B3GNT5: variants seen among roughly 807,000 people sequenced by gnomAD.
B3GNT5 encodes lactosylceramide 1,3-N-acetyl-beta-D-glucosaminyltransferase.
A neutral mutation model predicts 25.9 loss-of-function variants in B3GNT5; 11 were observed. The observed-to-expected ratio is 0.42, with a 90% CI of 0.27 to 0.70. The LOEUF is 0.70. Ranked by LOEUF, B3GNT5 falls within the 30% of genes least tolerant of loss-of-function variation. The pLI, the probability that B3GNT5 is intolerant of heterozygous loss-of-function variation, is 0.23. For missense variants in B3GNT5, 385 were observed against 458.4 expected (o/e 0.84, Z 1.46); for synonymous variants, 166 against 158.6 (o/e 1.05, Z -0.35).
rs184991389 is a variant in B3GNT5, at chr3:183,268,248, T to C, written c.-301-1250T>C. Among the ~76,000 whole-genome samples, 233 of 152,330 alleles carry C rather than the reference T, an allele frequency of 1.5e-3. 1 individual carries two copies. The highest frequency in any genetic ancestry group is 4.8e-3 in the African/African-American group (200 of 41,576). On this transcript the variant is annotated intron_variant, in intron 1 of 1. Coordinates refer to ENST00000326505, the MANE Select transcript of B3GNT5 (RefSeq NM_032047.5). ...GGGACCAAACAGCTGGAGAGGCAGA[T>C]CCTAAAGGGTCCTGTGGGCCAGGCT...
In B3GNT5 at chr3:183,271,202, G is replaced by A. The variant is rs1318464680; in HGVS notation, c.*267G>A. The A allele has an allele frequency of 3.3e-6, 1 of 300,742 alleles. No individual in the cohort carries two copies. Among genetic ancestry groups the A allele is most frequent in the Non-Finnish European group, 6.5e-6 (1 of 154,994 alleles). The allele number at this position is 300,742 out of a possible 1,614,324, so 18.6% of individuals were successfully genotyped here. A position where few individuals can be genotyped will look rare whatever the true frequency, so the allele number is the denominator to read the frequency against. On this transcript the variant is annotated 3_prime_UTR_variant, in exon 2 of 2. Transcript: ENST00000326505. ...ACTAAAGGGAAGTTCAAGTTCTCAT[G>A]TAATGCCACATATATACTTGAGGTG...
intron 1 of B3GNT5, among the ~76,000 whole-genome samples, chr3:183,268,374 C>T (rs1183776973): frequency 6.6e-6 from 1 of 152,058 alleles, no homozygotes; most frequent in African/African-American, 2.4e-5. Flanking sequence ...GTCACGCTGA[C>T]TGTAAAGTGG....
chr3:183,261,321 C>T (rs1004370821), intron 1 of B3GNT5, among the ~76,000 whole-genome samples: 3 of 151,930 alleles, frequency 2.0e-5, no homozygotes, highest in African/African-American at 4.8e-5. Context: ...AAACAGATGA[C>T]GAGAAGAAGC....
Position 183,253,259 on chromosome 3 carries a change from A to C in B3GNT5, c.-515A>C, listed in dbSNP as rs1266182378. 1 of 148,724 alleles carries C rather than the reference A, an allele frequency of 6.7e-6. No homozygotes were observed. Among genetic ancestry groups the C allele is most frequent in the East Asian group, 2.0e-4 (1 of 4,974 alleles). The allele number at this position is 148,724 out of a possible 1,614,324, so 9.2% of individuals were successfully genotyped here. On this transcript the variant is annotated 5_prime_UTR_variant, in exon 1 of 2. Coordinates refer to ENST00000326505, the MANE Select transcript of B3GNT5 (RefSeq NM_032047.5). The stretch of plus-strand genomic sequence containing the variant: ...GCCCGCCCCCATCCCGCCCGCATAC[A>C]GCCCGCATCCCGCCGGGGAAGCGAG...
Position 183,271,153 on chromosome 3 carries a change from G to T in B3GNT5, c.*218G>T, listed in dbSNP as rs903447574. On this transcript the variant is annotated 3_prime_UTR_variant, in exon 2 of 2. Coordinates refer to ENST00000326505, the MANE Select transcript of B3GNT5 (RefSeq NM_032047.5). ...TTCAAAGAATTTGTATTTAGAAAAGGTTTATATTATTAGTGAAAACAAAAC... is the reference window on the plus strand; with the variant it reads ...TTCAAAGAATTTGTATTTAGAAAAGTTTTATATTATTAGTGAAAACAAAAC... The T allele has an allele frequency of 1.2e-5, 5 of 420,950 alleles. No individual in the cohort carries two copies. The highest frequency in any genetic ancestry group is 4.2e-5 in the East Asian group (1 of 23,836). 26.1% of individuals were successfully genotyped at this position (420,950 alleles called of 1,614,324 possible). A position where few individuals can be genotyped will look rare whatever the true frequency, so the allele number is the denominator to read the frequency against.
chr3:183,263,345 A>G (rs1360553707), intron 1 of B3GNT5, among the ~76,000 whole-genome samples: 3 of 152,082 alleles, frequency 2.0e-5, no homozygotes, highest in Admixed American at 1.3e-4. Context: ...CCAGCCCCCA[A>G]GTGGGGCAGG....
In B3GNT5 at chr3:183,272,754, AT is replaced by A; in HGVS notation, c.*1821del. 1 of 1,072,238 alleles carries A rather than the reference AT, an allele frequency of 9.3e-7. No homozygotes were observed. The highest frequency in any genetic ancestry group is 1.7e-5 in the African/African-American group (1 of 60,136). 66.4% of individuals were successfully genotyped at this position (1,072,238 alleles called of 1,614,324 possible). A position where few individuals can be genotyped will look rare whatever the true frequency, so the allele number is the denominator to read the frequency against. On this transcript the variant is annotated 3_prime_UTR_variant, in exon 2 of 2. Coordinates refer to ENST00000326505, the MANE Select transcript of B3GNT5 (RefSeq NM_032047.5). ...ATAATTAATTTTTATTAGTTGATTG[AT>A]TAATGATGTATTGCCTTTTGCCCAT...
rs116324997 is a variant in B3GNT5, at chr3:183,262,041, A to G, written c.-301-7457A>G. 2.6e-3 allele frequency among the ~76,000 whole-genome samples: 389 copies of G among 147,088 alleles called. 6 individuals carry two copies. Among genetic ancestry groups the G allele is most frequent in the African/African-American group, 9.5e-3 (376 of 39,690 alleles). On this transcript the variant is annotated intron_variant, in intron 1 of 1. Coordinates refer to ENST00000326505, the MANE Select transcript of B3GNT5 (RefSeq NM_032047.5). ...ATATTTATTAATAAAAGTTTAAAAGATATAAAGGAATGAGGAATGCATATA... is the reference window on the plus strand; with the variant it reads ...ATATTTATTAATAAAAGTTTAAAAGGTATAAAGGAATGAGGAATGCATATA...
intron 1 of B3GNT5, chr3:183,254,341 G>C (rs978803314): frequency 6.6e-6 from 1 of 151,936 alleles, no homozygotes; most frequent in Admixed American, 6.6e-5. Context: ...AAGTCGGGAA[G>C]CCGGGGAGGC....
chr3:183,269,230 CTTTTTTTTTTTTT>C (rs60835895), intron 1 of B3GNT5, among the ~76,000 whole-genome samples: 1 of 81,030 alleles, frequency 1.2e-5, no homozygotes, highest in African/African-American at 6.4e-5. Context: ...GTTTGGGAAG[CTTTTTTTTTTTTT>C]TTTTTAAGAG....
chr3:183,270,691 A>T lies in B3GNT5; in HGVS notation c.893A>T (p.Gln298Leu). 1 of 1,614,030 alleles carries T rather than the reference A, an allele frequency of 6.2e-7. No homozygotes were observed. The highest frequency in any genetic ancestry group is 1.1e-5 in the South Asian group (1 of 91,030). ...GCCAATAAAATAGGGATAGTACCGC[A>T]GGACCATGTGTTTTTTTCTGGAGAG... Reference protein sequence around the residue: ...LCANKIGIVPQDHVFFSGEGK... With the variant: ...LCANKIGIVPLDHVFFSGEGK... The change falls in exon 2 of 2, where the codon CAG becomes CTG. Residue 298 changes from glutamine to leucine, a missense_variant. Gln to Leu is a moderately radical substitution (Grantham distance 113). Transcript: ENST00000326505. The surrounding 1 kb of genome is among the most constrained non-coding windows in gnomAD (Gnocchi z 4.5).
chr3:183,271,015 C>CTAAG lies in B3GNT5; in HGVS notation c.*84_*87dup. The CTAAG allele has an allele frequency of 7.6e-7, 1 of 1,324,140 alleles. No individual in the cohort carries two copies. The highest frequency in any genetic ancestry group is 1.6e-5 in the South Asian group (1 of 62,238). 82.0% of individuals were successfully genotyped at this position (1,324,140 alleles called of 1,614,324 possible). On this transcript the variant is annotated 3_prime_UTR_variant, in exon 2 of 2. Transcript: ENST00000326505. The stretch of plus-strand genomic sequence containing the variant: ...AAACCTTTAAATGTTCGTCTATACC[C>CTAAG]TAAGTAAAATGAGGACGAAAGACAA...
In B3GNT5 at chr3:183,272,236, G is replaced by A. The variant is rs924703312; in HGVS notation, c.*1301G>A. 1.0e-6 allele frequency: 1 copy of A among 999,988 alleles called. No individual in the cohort carries two copies. Among genetic ancestry groups the A allele is most frequent in the Non-Finnish European group, 1.2e-6 (1 of 829,898 alleles). The allele number at this position is 999,988 out of a possible 1,614,324, so 61.9% of individuals were successfully genotyped here. On this transcript the variant is annotated 3_prime_UTR_variant, in exon 2 of 2. Coordinates refer to ENST00000326505, the MANE Select transcript of B3GNT5 (RefSeq NM_032047.5). ...ATTTTACAAAGCAGGATAAAAATGTGGCTATAATACACACTACCTCCCTTC... is the reference window on the plus strand; with the variant it reads ...ATTTTACAAAGCAGGATAAAAATGTAGCTATAATACACACTACCTCCCTTC...
chr3:183,268,370 C>A (rs1036706491), intron 1 of B3GNT5, among the ~76,000 whole-genome samples: 2 of 152,070 alleles, frequency 1.3e-5, no homozygotes, highest in African/African-American at 4.8e-5. Context: ...AAAGGTCACG[C>A]TGACTGTAAA....
intron 1 of B3GNT5, among the ~76,000 whole-genome samples, chr3:183,262,553 T>TC (rs1234675002): frequency 2.6e-5 from 4 of 152,018 alleles, no homozygotes; most frequent in Admixed American, 1.3e-4. Context: ...CTCCCTTGTC[T>TC]CCCCCTAGTC....
rs1726910991 is a variant in B3GNT5 at position 183,272,983 on chromosome 3, T to C, written c.*2048T>C. On this transcript the variant is annotated 3_prime_UTR_variant, in exon 2 of 2. Transcript: ENST00000326505. ...AACAAGTTTAAATTTCAAGGAAATA[T>C]GAAGGCACTTCCTTTTTTTCTAAGA... The C allele has an allele frequency of 1.4e-6, 2 of 1,473,588 alleles. No individual in the cohort carries two copies. Among genetic ancestry groups the C allele is most frequent in the East Asian group, 2.7e-5 (1 of 37,170 alleles). The allele number at this position is 1,473,588 out of a possible 1,614,324, so 91.3% of individuals were successfully genotyped here. A position where few individuals can be genotyped will look rare whatever the true frequency, so the allele number is the denominator to read the frequency against.
At chr3:183,256,092 A>G (rs1272585363) in intron 1 of B3GNT5, among the ~76,000 whole-genome samples, 2 of 152,224 alleles carry the variant, frequency 1.3e-5, no homozygotes, top group Non-Finnish European at 2.9e-5. Flanking sequence ...TTCAGGGGGA[A>G]TTTTATATAT....
At position 183,257,958 on chromosome 3, in the gene B3GNT5, C is replaced by CTTT. The variant is rs35323502; in HGVS notation, c.-302+4511_-302+4513dup. Among the ~76,000 whole-genome samples the CTTT allele has an allele frequency of 2.4e-3, 155 of 64,734 alleles. 30 individuals carry two copies. The highest frequency in any genetic ancestry group is 4.4e-3 in the African/African-American group (64 of 14,394). 42.5% of individuals were successfully genotyped at this position (64,734 alleles called of 152,430 possible). A position where few individuals can be genotyped will look rare whatever the true frequency, so the allele number is the denominator to read the frequency against. ...TATTCCTTGCTCCCTCCACTTCACC[C>CTTT]TTTTTTTTTTTTTTTTTTTTTTTTT... On this transcript the variant is annotated intron_variant, in intron 1 of 1. Coordinates refer to ENST00000326505, the MANE Select transcript of B3GNT5 (RefSeq NM_032047.5).
chr3:183,262,067 T>C (rs933760642), intron 1 of B3GNT5, among the ~76,000 whole-genome samples: 1 of 148,434 alleles, frequency 6.7e-6, no homozygotes. Context: ...AATGCATATA[T>C]ATTATATATA....
Sources: gnomAD v4.1 joint callset for allele counts (sites outside exome capture counted in the v4.1 genomes callset) on GRCh38, gnomAD v4.1.1 for gene constraint, Gnocchi (gnomAD v3.1) non-coding constraint, MANE v1.5 for transcripts, NCBI Gene and HGNC (gene_info 2026-07-23, HGNC 2026-07-21) for gene names.